Variants in NEK6 observed in about 807,000 individuals in gnomAD.
NEK6 encodes the protein NIMA related kinase 6.
Under a neutral mutation model 43.5 loss-of-function variants are expected in NEK6, and 27 were observed. The ratio of observed to expected loss-of-function variants is 0.62; its 90% confidence interval spans 0.46 to 0.86. The LOEUF is 0.86. Among genes scored for constraint, NEK6 ranks in the 40% least tolerant of loss-of-function variants. The pLI, the probability that NEK6 is intolerant of heterozygous loss-of-function variation, is 0.00. For synonymous variants in NEK6, 167 were observed against 164.1 expected, an observed-to-expected ratio of 1.02 and a Z score of -0.14; for missense variants, 318 against 414.4, an observed-to-expected ratio of 0.77 and a Z score of 2.02.
chr9:124,340,024 G>C (rs940347831), intron 8 of NEK6, among the ~76,000 whole-genome samples: 1 of 152,098 alleles, frequency 6.6e-6, no homozygotes, highest in Non-Finnish European at 1.5e-5. Context: ...GGTCAGGCCC[G>C]GTGCAGGGCA....
At chr9:124,285,674 A>T (rs1406735000) in intron 1 of NEK6, among the ~76,000 whole-genome samples, 6 of 152,152 alleles carry the variant, frequency 3.9e-5, no homozygotes, top group Non-Finnish European at 8.8e-5. Context: ...CAAGCCGCAG[A>T]TGCAAAGCCT....
chr9:124,341,051 T>G (rs1231250403), intron 8 of NEK6, among the ~76,000 whole-genome samples: 1 of 152,168 alleles, frequency 6.6e-6, no homozygotes, highest in Admixed American at 6.5e-5. Flanking sequence ...ATCTTTCTTT[T>G]GTTTTTTTGA....
intron 2 of NEK6, among the ~76,000 whole-genome samples, chr9:124,308,726 C>A (rs1198443297): frequency 1.3e-5 from 2 of 151,816 alleles, no homozygotes; most frequent in African/African-American, 2.4e-5. Context: ...CAGCAGTGAT[C>A]ACATTTGGGG....
chr9:124,300,909 G>T (rs1239848205), intron 1 of NEK6, among the ~76,000 whole-genome samples: 3 of 152,222 alleles, frequency 2.0e-5, no homozygotes, highest in African/African-American at 7.2e-5. Flanking sequence ...TCACATGAGA[G>T]GTGCCCCTCG....
chr9:124,294,905 C>T (rs1473688813), intron 1 of NEK6, among the ~76,000 whole-genome samples: 2 of 152,116 alleles, frequency 1.3e-5, no homozygotes, highest in African/African-American at 4.8e-5. Flanking sequence ...AGGGACAAGG[C>T]CAGCACAGAG....
intron 1 of NEK6, among the ~76,000 whole-genome samples, chr9:124,284,470 C>T (rs1369653891): frequency 3.3e-5 from 5 of 152,198 alleles, no homozygotes; most frequent in East Asian, 1.9e-4. Flanking sequence ...GGAATGGGAG[C>T]GTGGCAGCGA....
At chr9:124,262,280 C>T (rs1438073235) in intron 1 of NEK6, among the ~76,000 whole-genome samples, 2 of 152,228 alleles carry the variant, frequency 1.3e-5, no homozygotes, top group African/African-American at 2.4e-5. Flanking sequence ...TGGTCCCTTC[C>T]TTTGGCCAAA....
chr9:124,304,858 A>G (rs1833175653), intron 2 of NEK6, among the ~76,000 whole-genome samples: 2 of 152,360 alleles, frequency 1.3e-5, no homozygotes, highest in Admixed American at 6.5e-5. Flanking sequence ...ACTTGCTTTT[A>G]TAGAGGTTTC....
intron 2 of NEK6, among the ~76,000 whole-genome samples, chr9:124,309,152 T>A (rs2130841731): frequency 6.6e-6 from 1 of 152,016 alleles, no homozygotes; most frequent in South Asian, 2.1e-4. Context: ...GCCCTGGGAG[T>A]GCAGTGGTGC....
At chr9:124,302,693 C>T (rs1833048027) in intron 2 of NEK6, among the ~76,000 whole-genome samples, 1 of 152,256 alleles carries the variant, frequency 6.6e-6, no homozygotes, top group Non-Finnish European at 1.5e-5. Context: ...TCTTCCAAGT[C>T]AGTGCAAATG....
chr9:124,313,032 C>T (rs138187837), intron 3 of NEK6, among the ~76,000 whole-genome samples: 14 of 152,286 alleles, frequency 9.2e-5, no homozygotes, highest in African/African-American at 2.4e-4. Flanking sequence ...CTTGCGCCTG[C>T]GGTTGCTCCA....
At chr9:124,263,989 A>G (rs969155628) in intron 1 of NEK6, among the ~76,000 whole-genome samples, 3 of 152,198 alleles carry the variant, frequency 2.0e-5, no homozygotes, top group Non-Finnish European at 2.9e-5. Flanking sequence ...AATTATTTAC[A>G]CAGCGTCGGC....
chr9:124,326,613 C>A lies in NEK6; in HGVS notation c.514+175C>A, dbSNP rs182338371. Among the ~76,000 whole-genome samples, 2 of 152,292 alleles carry A rather than the reference C, an allele frequency of 1.3e-5. No homozygotes were observed. Among genetic ancestry groups the A allele is most frequent in the Admixed American group, 1.3e-4 (2 of 15,306 alleles). ...CACACACACGCGCCCGGGTCAGGAA[C>A]CTCCCCGAGGTGGAAAGTGACATGA... On this transcript the variant is annotated intron_variant, in intron 6 of 9. Transcript: ENST00000320246. This position sits in a 1 kb window ranked among gnomAD's most constrained non-coding sequence, Gnocchi z 4.5.
intron 9 of NEK6, among the ~76,000 whole-genome samples, chr9:124,348,048 T>C (rs1402403638): frequency 1.3e-5 from 2 of 152,220 alleles, no homozygotes; most frequent in East Asian, 3.8e-4. Flanking sequence ...TAGGAACCAG[T>C]GGCACGTGGC....
chr9:124,289,802 G>A (rs1832326782), intron 1 of NEK6, among the ~76,000 whole-genome samples: 1 of 152,200 alleles, frequency 6.6e-6, no homozygotes, highest in Non-Finnish European at 1.5e-5. Context: ...TCTAGACTGT[G>A]GAGTCCAACC....
At chr9:124,295,746 G>C (rs1175478645) in intron 1 of NEK6, among the ~76,000 whole-genome samples, 1 of 152,228 alleles carries the variant, frequency 6.6e-6, no homozygotes, top group African/African-American at 2.4e-5. Flanking sequence ...CTGTTATTCT[G>C]GTGCTCCCTG....
chr9:124,271,125 A>C (rs929770868), intron 1 of NEK6, among the ~76,000 whole-genome samples: 3 of 152,224 alleles, frequency 2.0e-5, no homozygotes, highest in Admixed American at 6.5e-5. Context: ...CTTCATCCGG[A>C]GCCTCTGGTG....
intron 1 of NEK6, among the ~76,000 whole-genome samples, chr9:124,258,574 G>A (rs1363060276): frequency 6.6e-6 from 1 of 152,254 alleles, no homozygotes; most frequent in East Asian, 1.9e-4. Flanking sequence ...TGAGTATAAC[G>A]AGTGTGCAGG....
In NEK6 at chr9:124,326,816, C is replaced by T. The variant is rs541411624; in HGVS notation, c.514+378C>T. Among the ~76,000 whole-genome samples the T allele has an allele frequency of 4.6e-5, 7 of 152,208 alleles. No homozygotes were observed. Among genetic ancestry groups the T allele is most frequent in the Admixed American group, 1.3e-4 (2 of 15,298 alleles). ...GGTGTTTCCACAGTTGACATGATTC[C>T]GAGTTGTGAGAAAGGAGCCTGCTGG... On this transcript the variant is annotated intron_variant, in intron 6 of 9. Coordinates refer to ENST00000320246, the MANE Select transcript of NEK6 (RefSeq NM_014397.6). This position sits in a 1 kb window ranked among gnomAD's most constrained non-coding sequence, Gnocchi z 4.5.
Sources: gnomAD v4.1 joint callset for allele counts (sites outside exome capture counted in the v4.1 genomes callset) on GRCh38, gnomAD v4.1.1 for gene constraint, Gnocchi (gnomAD v3.1) non-coding constraint, MANE v1.5 for transcripts, NCBI Gene and HGNC (gene_info 2026-07-23, HGNC 2026-07-21) for gene names.